MERTK: variants seen among roughly 807,000 people sequenced by gnomAD.
MERTK encodes tyrosine-protein kinase Mer.
A neutral mutation model predicts 99.3 loss-of-function variants in MERTK; 69 were observed. The ratio of observed to expected loss-of-function variants is 0.70; its 90% CI spans 0.57 to 0.85. MERTK has a LOEUF of 0.85. Among genes scored for constraint, MERTK ranks in the 40% least tolerant of loss-of-function variants. MERTK has a pLI of 0.00. For synonymous variants in MERTK, 426 were observed against 467.6 expected (o/e 0.91, Z 1.15); for missense variants, 1,125 against 1,249.4 (o/e 0.90, Z 1.50).
intron 13 of MERTK, among the ~76,000 whole-genome samples, chr2:112,005,849 T>C (rs1484162926): frequency 6.6e-6 from 1 of 152,194 alleles, no homozygotes; most frequent in Non-Finnish European, 1.5e-5. Flanking sequence ...TGTAAGCATG[T>C]ACTGAGACTC....
chr2:111,925,089 C>T (rs1227556327), intron 1 of MERTK, among the ~76,000 whole-genome samples: 2 of 151,542 alleles, frequency 1.3e-5, no homozygotes, highest in African/African-American at 4.9e-5. Flanking sequence ...CTCCCCACCC[C>T]CAGTTAGCCA....
In MERTK at chr2:111,986,849, A is replaced by T. The variant is rs11677627; in HGVS notation, c.1296+3856A>T. On this transcript the variant is annotated intron_variant, in intron 8 of 18. Coordinates refer to ENST00000295408, the MANE Select transcript of MERTK (RefSeq NM_006343.3). ...TGTGACCACAAAGACACAGTGGCTCACTTTACTTTGGAAAACATTCTCTGA... is the reference window on the plus strand; with the variant it reads ...TGTGACCACAAAGACACAGTGGCTCTCTTTACTTTGGAAAACATTCTCTGA... Among the ~76,000 whole-genome samples, 1,139 of 152,282 alleles carry T rather than the reference A, an allele frequency of 7.5e-3. 5 individuals are homozygous for T. The highest frequency in any genetic ancestry group is 0.013 in the Non-Finnish European group (866 of 68,016).
intron 13 of MERTK, among the ~76,000 whole-genome samples, chr2:112,008,167 A>C (rs1573637047): frequency 6.6e-6 from 1 of 151,886 alleles, no homozygotes; most frequent in East Asian, 1.9e-4. Context: ...ATACAGAATT[A>C]TTTCTTGGCC....
At chr2:111,927,062 TC>T (rs1389439262) in intron 1 of MERTK, among the ~76,000 whole-genome samples, 1 of 151,552 alleles carries the variant, frequency 6.6e-6, no homozygotes, top group Non-Finnish European at 1.5e-5. Flanking sequence ...CACATAGCCC[TC>T]CCCTAAAGCA....
At chr2:111,930,980 T>TGGAA (rs1319953946) in intron 2 of MERTK, among the ~76,000 whole-genome samples, 3 of 152,204 alleles carry the variant, frequency 2.0e-5, no homozygotes, top group African/African-American at 7.2e-5. Flanking sequence ...CCACACAGGG[T>TGGAA]GGAAGCAAGA....
At chr2:111,934,838 T>C (rs1684736528) in intron 2 of MERTK, among the ~76,000 whole-genome samples, 1 of 152,218 alleles carries the variant, frequency 6.6e-6, no homozygotes, top group Admixed American at 6.5e-5. Context: ...TTCTAGAGTT[T>C]ATATGATTTC....
intron 15 of MERTK, among the ~76,000 whole-genome samples, chr2:112,016,814 G>T (rs1677226140): frequency 6.6e-6 from 1 of 152,234 alleles, no homozygotes; most frequent in Non-Finnish European, 1.5e-5. Context: ...TGCTGACTGG[G>T]TGTGGTGGCT....
At chr2:112,015,541 G>A (rs577491824) in intron 15 of MERTK, among the ~76,000 whole-genome samples, 17 of 152,140 alleles carry the variant, frequency 1.1e-4, no homozygotes, top group African/African-American at 2.9e-4. Flanking sequence ...TGATTTTCTC[G>A]TCATATTTTG....
chr2:111,925,292 A>ATATATATATATATAT (rs372747015), intron 1 of MERTK, among the ~76,000 whole-genome samples: 5 of 24,498 alleles, frequency 2.0e-4, no homozygotes, highest in Admixed American at 8.2e-4. Flanking sequence ...ATATATATAT[A>ATATATATATATATAT]TTTTTTTTTT....
chr2:111,996,210 A>G (rs1201200489), intron 9 of MERTK: 1 of 154,232 alleles, frequency 6.5e-6, no homozygotes, highest in African/African-American at 2.4e-5. Context: ...CAGTTAAATA[A>G]CACCCATTCC....
At chr2:111,985,708 A>G (rs909888523) in intron 8 of MERTK, among the ~76,000 whole-genome samples, 2 of 152,128 alleles carry the variant, frequency 1.3e-5, no homozygotes, top group African/African-American at 4.8e-5. Context: ...ACTCCCCTTT[A>G]TAAAACCATA....
intron 18 of MERTK, 82 bp from the exon 19 acceptor site, chr2:112,028,265 TAAAG>T: frequency 1.4e-6 from 2 of 1,407,284 alleles, no homozygotes; most frequent in African/African-American, 2.8e-5. Context: ...TAAAATGTGA[TAAAG>T]ATTCTGTAAA....
intron 9 of MERTK, chr2:111,997,056 T>C (rs572984458): frequency 2.1e-6 from 1 of 478,792 alleles, no homozygotes; most frequent in African/African-American, 1.9e-5. Flanking sequence ...TAATTAATAA[T>C]TGAAAAATTG....
intron 2 of MERTK, among the ~76,000 whole-genome samples, chr2:111,939,464 A>C (rs1684821727): frequency 6.6e-6 from 1 of 151,904 alleles, no homozygotes; most frequent in African/African-American, 2.4e-5. Context: ...CATAGCACTT[A>C]AGGACTTAGC....
intron 2 of MERTK, among the ~76,000 whole-genome samples, chr2:111,937,922 CAT>C (rs1684792150): frequency 6.6e-6 from 1 of 151,938 alleles, no homozygotes; most frequent in African/African-American, 2.4e-5. Context: ...CATGGTAAAA[CAT>C]ATATATAACA....
intron 11 of MERTK, among the ~76,000 whole-genome samples, chr2:112,001,769 T>A (rs1469321354): frequency 1.3e-5 from 2 of 152,148 alleles, no homozygotes; most frequent in Non-Finnish European, 2.9e-5. Flanking sequence ...TCCTGAATAA[T>A]TTCAGAAAAA....
In MERTK at chr2:111,982,994, G is replaced by C. The variant is rs774577413; in HGVS notation, c.1296+1G>C. On this transcript the variant is annotated splice_donor_variant, in intron 8 of 18. Coordinates refer to ENST00000295408, the MANE Select transcript of MERTK (RefSeq NM_006343.3). LOFTEE classifies it high-confidence loss of function. ...CGTGTGGCAGAGTGCAGGGATTTCC[G>C]TAAGTCTAAACCCTAGAAGAGCACG... 2 of 1,612,544 alleles carry C rather than the reference G, an allele frequency of 1.2e-6. No individual in the cohort carries two copies. The highest frequency in any genetic ancestry group is 1.7e-5 in the Admixed American group (1 of 59,724).
chr2:111,899,038 C>T (rs749248677), intron 1 of MERTK, among the ~76,000 whole-genome samples: 26 of 152,210 alleles, frequency 1.7e-4, no homozygotes, highest in Admixed American at 3.9e-4. Context: ...GTGGTGAAGC[C>T]GGGTCGGGGT....
At chr2:111,969,314 C>T (rs139393127) in intron 6 of MERTK, among the ~76,000 whole-genome samples, 36 of 152,158 alleles carry the variant, frequency 2.4e-4, no homozygotes, top group Non-Finnish European at 4.4e-4. Flanking sequence ...CCTAAAGCAG[C>T]GGTCAGAACC....
Sources: allele counts gnomAD v4.1 joint callset (sites outside exome capture counted in the v4.1 genomes callset), GRCh38; gene constraint gnomAD v4.1.1; transcripts MANE v1.5; gene names NCBI Gene and HGNC (gene_info 2026-07-23, HGNC 2026-07-21).